Variants in HIPK3 observed in about 807,000 individuals in gnomAD.
HIPK3 encodes the protein homeodomain interacting protein kinase 3, also known as homeodomain-interacting protein kinase 3.
In HIPK3, 47 loss-of-function variants were observed where a neutral mutation model predicts 124.2. The ratio of observed to expected loss-of-function variants is 0.38; its 90% CI spans 0.30 to 0.48. HIPK3 has a LOEUF of 0.48. Ranked by LOEUF, HIPK3 falls within the 20% of genes least tolerant of loss-of-function variation. The pLI is 0.98. For synonymous variants in HIPK3, 482 were observed against 515.2 expected (o/e 0.94, Z 0.87); for missense variants, 1,286 against 1,454.3 (o/e 0.88, Z 1.88).
Position 33,286,723 on chromosome 11 carries a change from C to A in HIPK3, c.309C>A (p.His103Gln). 6.2e-7 allele frequency: 1 copy of A among 1,614,082 alleles called. No individual in the cohort carries two copies. Among genetic ancestry groups the A allele is most frequent in the Non-Finnish European group, 8.5e-7 (1 of 1,180,014 alleles). Reference protein sequence around the residue: ...KVIAAQAQQAHVQAPQIGAWR... With the variant: ...KVIAAQAQQAQVQAPQIGAWR... ...TAGCAGCTCAGGCACAGCAAGCTCA[C>A]GTGCAGGCACCTCAGATTGGGGCGT... is the stretch of plus-strand genomic sequence containing the variant. Residue 103 changes from histidine to glutamine, a missense_variant, in exon 2 of 17, where the codon CAC becomes CAA. Physicochemically the swap from His to Gln is conservative, Grantham distance 24 (BLOSUM62 0). This residue lies in a region of HIPK3 where 225 missense variants were observed against 240.3 expected (regional missense o/e 0.94). Coordinates refer to ENST00000303296, the MANE Select transcript of HIPK3 (RefSeq NM_005734.5).
chr11:33,308,657 G>T (rs1852237034), intron 2 of HIPK3, among the ~76,000 whole-genome samples: 1 of 150,748 alleles, frequency 6.6e-6, no homozygotes. Flanking sequence ...TCTGCTTGGG[G>T]TTTATAGAGC....
At chr11:33,288,133 A>G (rs1212772504) in intron 2 of HIPK3, among the ~76,000 whole-genome samples, 1 of 152,148 alleles carries the variant, frequency 6.6e-6, no homozygotes, top group Non-Finnish European at 1.5e-5. Flanking sequence ...AGGATTCAGA[A>G]AGTTATTCTG....
intron 2 of HIPK3, 50 bp downstream of exon 2, chr11:33,287,561 G>A (rs1318926455): frequency 6.5e-7 from 1 of 1,548,656 alleles, no homozygotes; most frequent in Non-Finnish European, 8.7e-7. Context: ...TGAAATTTCT[G>A]CTAAATGAAA....
At chr11:33,258,333 C>T (rs1249302924) in intron 1 of HIPK3, 4 of 985,406 alleles carry the variant, frequency 4.1e-6, no homozygotes, top group East Asian at 1.1e-4. Flanking sequence ...CCTTTCCTTT[C>T]ATTAAGGGGA....
chr11:33,307,810 T>A, intron 2 of HIPK3, among the ~76,000 whole-genome samples: 1 of 151,922 alleles, frequency 6.6e-6, no homozygotes, highest in Non-Finnish European at 1.5e-5. Flanking sequence ...TTAAAAGATA[T>A]TCTCCTTATG....
At chr11:33,266,593 G>A (rs1310749067) in intron 1 of HIPK3, among the ~76,000 whole-genome samples, 1 of 152,128 alleles carries the variant, frequency 6.6e-6, no homozygotes, top group Non-Finnish European at 1.5e-5. Flanking sequence ...TGTGGTCCTA[G>A]CTATTGGAGA....
chr11:33,347,889 A>G lies in HIPK3; in HGVS notation c.2182A>G (p.Met728Val). 6.2e-7 allele frequency: 1 copy of G among 1,614,216 alleles called. No individual in the cohort carries two copies. Among genetic ancestry groups the G allele is most frequent in the Non-Finnish European group, 8.5e-7 (1 of 1,180,024 alleles). The change falls in exon 11 of 17, where the codon ATG (methionine) becomes GTG (valine). Residue 728 changes from methionine (M) to valine (V), a missense_variant. By Grantham distance (21) the Met-to-Val change is conservative. Around this residue, in one of 3 missense-constraint regions of HIPK3, gnomAD observed 810 missense variants for 864.9 expected, o/e 0.94. Coordinates refer to ENST00000303296, the MANE Select transcript of HIPK3 (RefSeq NM_005734.5). ...ISCSNHYNSV[M>V]PQPLLTNQIT... ...ATGCAGCAATCATTATAACTCAGTG[A>G]TGCCGCAGCCTCTTCTGACCAATCA...
intron 2 of HIPK3, among the ~76,000 whole-genome samples, chr11:33,301,619 TA>T (rs76292557): frequency 0.011 from 988 of 91,102 alleles, 2 homozygotes; most frequent in African/African-American, 0.027. Context: ...CCCATCTCTA[TA>T]AAAAAAAAAA....
In HIPK3 at chr11:33,329,747, C is replaced by G. The variant is rs76040699; in HGVS notation, c.1221+1114C>G. Among the ~76,000 whole-genome samples the G allele has an allele frequency of 8.9e-3, 1,359 of 152,234 alleles. 19 individuals are homozygous for G. Among genetic ancestry groups the G allele is most frequent in the African/African-American group, 0.031 (1,297 of 41,522 alleles). On this transcript the variant is annotated intron_variant, in intron 3 of 16. Coordinates refer to ENST00000303296, the MANE Select transcript of HIPK3 (RefSeq NM_005734.5). ...ATCCTGTCTTCTTTCAGCTTTCTAC[C>G]CAATTACTAGCTTTGATACAGATGC...
At chr11:33,341,994 G>GGGAGGCTGAAGCTGGGAAAT (rs1280454196) in intron 8 of HIPK3, among the ~76,000 whole-genome samples, 143 of 151,710 alleles carry the variant, frequency 9.4e-4, no homozygotes, top group African/African-American at 3.4e-3. Context: ...CCAGCTACTC[G>GGGAGGCTGAAGCTGGGAAAT]GGAGGCTGAA....
chr11:33,352,774 A>G (rs546661096), intron 16 of HIPK3, among the ~76,000 whole-genome samples: 1 of 152,286 alleles, frequency 6.6e-6, no homozygotes, highest in South Asian at 2.1e-4. Flanking sequence ...GTGTATGTAA[A>G]TGTTAGCTTT....
At position 33,287,312 on chromosome 11, in the gene HIPK3, C is replaced by T. The variant is rs1224824771; in HGVS notation, c.898C>T (p.Arg300Trp). ...KFSPLPLKVI[R>W]PILQQVATAL... ...TAGTCCCCTGCCACTAAAAGTGATT[C>T]GGCCCATTCTTCAACAAGTGGCCAC... The change falls in exon 2 of 17, where the codon CGG (arginine) becomes TGG (tryptophan). Residue 300 changes from arginine to tryptophan, a missense_variant. Arg to Trp is a moderately radical substitution (Grantham distance 101, BLOSUM62 -3). Transcript: ENST00000303296. 4 of 1,613,982 alleles carry T rather than the reference C, an allele frequency of 2.5e-6. No homozygotes were observed. The highest frequency in any genetic ancestry group is 2.7e-5 in the African/African-American group (2 of 74,940).
chr11:33,344,530 TTTA>T (rs1853437582), intron 8 of HIPK3, among the ~76,000 whole-genome samples: 1 of 152,226 alleles, frequency 6.6e-6, no homozygotes, highest in Admixed American at 6.5e-5. Flanking sequence ...CTTTTATCTT[TTTA>T]TATGGCTTAT....
chr11:33,300,491 A>G (rs1223116854), intron 2 of HIPK3, among the ~76,000 whole-genome samples: 1 of 152,200 alleles, frequency 6.6e-6, no homozygotes, highest in Non-Finnish European at 1.5e-5. Context: ...TCCTGTTAGC[A>G]TTTTTTAGCT....
intron 1 of HIPK3, among the ~76,000 whole-genome samples, chr11:33,281,109 G>A (rs571000396): frequency 2.1e-4 from 28 of 132,098 alleles, no homozygotes; most frequent in African/African-American, 7.0e-4. Context: ...TTGCTCTGTC[G>A]CCCAGGCTGG....
At chr11:33,342,742 A>T (rs1488135449) in intron 8 of HIPK3, among the ~76,000 whole-genome samples, 3 of 151,954 alleles carry the variant, frequency 2.0e-5, no homozygotes, top group African/African-American at 7.3e-5. Context: ...TTTAGTAGAG[A>T]CGGGGTTTTT....
intron 2 of HIPK3, among the ~76,000 whole-genome samples, chr11:33,323,939 G>A (rs1246443781): frequency 2.0e-5 from 3 of 152,138 alleles, no homozygotes; most frequent in Non-Finnish European, 2.9e-5. Flanking sequence ...TTTAATTTGC[G>A]CCTTGACTGT....
rs1853713827 is a variant in HIPK3 at position 33,353,079 on chromosome 11, T to C, written c.3172-13T>C. 4 of 1,504,626 alleles carry C rather than the reference T, an allele frequency of 2.7e-6. No homozygotes were observed. Among genetic ancestry groups the C allele is most frequent in the Non-Finnish European group, 3.6e-6 (4 of 1,108,552 alleles). 93.2% of individuals were successfully genotyped at this position (1,504,626 alleles called of 1,614,324 possible). Reference sequence around the variant, plus strand: ...ATGTTATTCAGTCATTTTTTTTTTTTCTTTGTGGATAGGTTCAGCACTTTG... The same window carrying C: ...ATGTTATTCAGTCATTTTTTTTTTTCCTTTGTGGATAGGTTCAGCACTTTG... On this transcript the variant is annotated splice_polypyrimidine_tract_variant and intron_variant, in intron 16 of 16. Transcript: ENST00000303296.
At chr11:33,311,766 G>A (rs1852343865) in intron 2 of HIPK3, among the ~76,000 whole-genome samples, 1 of 151,704 alleles carries the variant, frequency 6.6e-6, no homozygotes, top group Non-Finnish European at 1.5e-5. Flanking sequence ...CCAGCACTTT[G>A]GGAGGCTGAG....
Sources: gnomAD v4.1 joint callset for allele counts (sites outside exome capture counted in the v4.1 genomes callset) on GRCh38, gnomAD v4.1.1 for gene constraint, gnomAD v4.1.1 regional missense constraint, MANE v1.5 for transcripts, NCBI Gene and HGNC (gene_info 2026-07-23, HGNC 2026-07-21) for gene names.